Variants in SLC4A4 observed in about 807,000 individuals in gnomAD.
SLC4A4 encodes the protein solute carrier family 4 member 4, also known as electrogenic sodium bicarbonate cotransporter 1.
Under a neutral mutation model 111.5 loss-of-function variants are expected in SLC4A4, and 27 were observed. The ratio of observed to expected loss-of-function variants is 0.24; its 90% CI spans 0.18 to 0.33. The LOEUF is 0.33. Among genes scored for constraint, SLC4A4 ranks in the 10% least tolerant of loss-of-function variants. The pLI is 1.00. For synonymous variants in SLC4A4, 443 were observed against 463.4 expected, an observed-to-expected ratio of 0.96 and a Z score of 0.57; for missense variants, 909 against 1,315.5, an observed-to-expected ratio of 0.69 and a Z score of 4.78.
intron 22 of SLC4A4, among the ~76,000 whole-genome samples, chr4:71,558,754 A>G (rs531550509): frequency 6.6e-6 from 1 of 152,032 alleles, no homozygotes; most frequent in East Asian, 1.9e-4. Context: ...TTGTTGTTTG[A>G]AATTTTTTTC....
At chr4:71,339,337 C>T (rs1275324154) in intron 3 of SLC4A4, 33 bp from the exon 4 acceptor site, 1 of 1,614,034 alleles carries the variant, frequency 6.2e-7, no homozygotes, top group Non-Finnish European at 8.5e-7. Flanking sequence ...GTTGTCCAGC[C>T]AATGTTTAAC....
At chr4:71,361,274 C>G (rs573373575) in intron 6 of SLC4A4, among the ~76,000 whole-genome samples, 1 of 152,290 alleles carries the variant, frequency 6.6e-6, no homozygotes, top group African/African-American at 2.4e-5. Context: ...CATCCACTAC[C>G]AGCACACTAC....
chr4:71,480,014 G>A (rs6447027), intron 14 of SLC4A4, among the ~76,000 whole-genome samples: 119,751 of 147,398 alleles, frequency 0.81, 48,584 homozygotes, highest in East Asian at 0.94. Context: ...GACAAAATAT[G>A]CCCATCTTTT....
In SLC4A4 at chr4:71,421,741, G is replaced by A. The variant is rs1301757170; in HGVS notation, c.808-18875G>A. ...CAACCTGCTCCTGAATGACTACTGG[G>A]TACATAACAAAAGGAAGGCAGAAAT... is the stretch of plus-strand genomic sequence containing the variant. On this transcript the variant is annotated intron_variant, in intron 7 of 25. Transcript: ENST00000264485. Among the ~76,000 whole-genome samples, 3 of 152,198 alleles carry A rather than the reference G, an allele frequency of 2.0e-5. No homozygotes were observed. The East Asian group carries it at 5.8e-4, about 29-fold the overall frequency.
rs144267707 is a variant in SLC4A4, at chr4:71,370,845, C to T, written c.730+13658C>T. Among the ~76,000 whole-genome samples the T allele has an allele frequency of 1.6e-4, 25 of 152,172 alleles. 1 individual carries two copies. The highest frequency in any genetic ancestry group is 4.8e-4 in the African/African-American group (20 of 41,522). On this transcript the variant is annotated intron_variant, in intron 6 of 25. Coordinates refer to ENST00000264485, the MANE Select transcript of SLC4A4 (RefSeq NM_001098484.3). ...GAAATTGACCAAAGTGTTCAGTTTG[C>T]GGATGATATGGAAATATGGCAGCTA... is the stretch of plus-strand genomic sequence containing the variant.
intron 6 of SLC4A4, among the ~76,000 whole-genome samples, chr4:71,379,555 C>T (rs1420396173): frequency 6.6e-6 from 1 of 152,100 alleles, no homozygotes; most frequent in African/African-American, 2.4e-5. Flanking sequence ...TTTGTGCTCT[C>T]ATAACCCCAA....
intron 3 of SLC4A4, among the ~76,000 whole-genome samples, chr4:71,305,510 C>T (rs1166359114): frequency 1.3e-5 from 2 of 152,106 alleles, no homozygotes; most frequent in Non-Finnish European, 2.9e-5. Context: ...ATAATGTATG[C>T]TAAAATGTTA....
At chr4:71,358,147 T>A (rs772287353) in intron 6 of SLC4A4, among the ~76,000 whole-genome samples, 1 of 151,996 alleles carries the variant, frequency 6.6e-6, no homozygotes, top group Non-Finnish European at 1.5e-5. Context: ...ACCCCATCTC[T>A]ACTAAAAAAT....
At chr4:71,506,240 C>A (rs1731406515) in intron 16 of SLC4A4, among the ~76,000 whole-genome samples, 1 of 152,010 alleles carries the variant, frequency 6.6e-6, no homozygotes, top group Admixed American at 6.6e-5. Flanking sequence ...TAGTATTTTA[C>A]CTGGAATAGC....
At chr4:71,312,677 G>A (rs1481444607) in intron 3 of SLC4A4, among the ~76,000 whole-genome samples, 2 of 152,134 alleles carry the variant, frequency 1.3e-5, no homozygotes, top group Non-Finnish European at 2.9e-5. Context: ...AAAACCACAT[G>A]ATTATCTCAA....
At chr4:71,385,191 ATTTTTTT>A (rs1157788396) in intron 6 of SLC4A4, among the ~76,000 whole-genome samples, 1 of 11,896 alleles carries the variant, frequency 8.4e-5, no homozygotes, top group Non-Finnish European at 1.6e-4. Context: ...ATATATATAT[ATTTTTTT>A]TTTTTTTTTT....
intron 3 of SLC4A4, among the ~76,000 whole-genome samples, chr4:71,259,283 C>T (rs184858956): frequency 6.6e-6 from 1 of 152,088 alleles, no homozygotes; most frequent in East Asian, 1.9e-4. Flanking sequence ...GGTGTCAAGA[C>T]CGGGTTTCTA....
chr4:71,404,649 A>G (rs1158868700), intron 7 of SLC4A4, among the ~76,000 whole-genome samples: 1 of 152,194 alleles, frequency 6.6e-6, no homozygotes, highest in East Asian at 1.9e-4. Flanking sequence ...CTTACATCTG[A>G]CAGAGACTTC....
At chr4:71,252,378 A>G (rs1706322702) in intron 2 of SLC4A4, among the ~76,000 whole-genome samples, 1 of 152,184 alleles carries the variant, frequency 6.6e-6, no homozygotes, top group African/African-American at 2.4e-5. Flanking sequence ...CTGAAGTGAG[A>G]GAGGCTGAGA....
At chr4:71,116,575 A>G (rs1409584944) in intron 2 of SLC4A4, among the ~76,000 whole-genome samples, 1 of 152,220 alleles carries the variant, frequency 6.6e-6, no homozygotes, top group African/African-American at 2.4e-5. Flanking sequence ...GAAGGTAGAC[A>G]ATAGCTGGTT....
chr4:71,394,305 T>C (rs776606233), intron 6 of SLC4A4, among the ~76,000 whole-genome samples: 1 of 149,378 alleles, frequency 6.7e-6, no homozygotes, highest in Non-Finnish European at 1.5e-5. Flanking sequence ...AACAAATTAG[T>C]AAGGAAAAAA....
intron 1 of SLC4A4, among the ~76,000 whole-genome samples, chr4:71,083,787 C>G (rs1042327644): frequency 8.9e-6 from 1 of 111,744 alleles, no homozygotes. Context: ...CCCCGCCCCC[C>G]GCCCCCACCA....
chr4:71,474,473 G>A (rs924583132), intron 14 of SLC4A4, among the ~76,000 whole-genome samples: 2 of 151,884 alleles, frequency 1.3e-5, no homozygotes, highest in African/African-American at 4.8e-5. Flanking sequence ...GTGGCATGCT[G>A]TTTCAGATTG....
At chr4:71,142,862 C>T (rs1744046058) in intron 2 of SLC4A4, among the ~76,000 whole-genome samples, 1 of 147,566 alleles carries the variant, frequency 6.8e-6, no homozygotes, top group Non-Finnish European at 1.5e-5. Flanking sequence ...CATGCGCAAA[C>T]TGGCCCCAAA....
Sources: gnomAD v4.1 joint callset for allele counts (sites outside exome capture counted in the v4.1 genomes callset) on GRCh38, gnomAD v4.1.1 for gene constraint, MANE v1.5 for transcripts, NCBI Gene and HGNC (gene_info 2026-07-23, HGNC 2026-07-21) for gene names.